The following CTNNA2 variants were observed in gnomAD, a reference collection of about 807,000 sequenced individuals.
CTNNA2 encodes catenin alpha 2.
A neutral mutation model predicts 101.0 loss-of-function variants in CTNNA2; 42 were observed. That is an observed-to-expected ratio of 0.42 (90% CI 0.32 to 0.54). The LOEUF (loss-of-function observed/expected upper bound fraction) is 0.54. Ranked by LOEUF, CTNNA2 falls within the 20% of genes least tolerant of loss-of-function variation. The pLI is 0.14. For synonymous variants in CTNNA2, 450 were observed against 456.4 expected (o/e 0.99, Z 0.18); for missense variants, 871 against 1,223.1 (o/e 0.71, Z 4.29).
In CTNNA2 at chr2:79,651,658, G is replaced by A; in HGVS notation, c.102G>A (p.Gln34=). Reference sequence around the variant, plus strand: ...GGCTGTTGGAGCCACTTGTTACACAGGTAAGGGATGCTTTGAAACCACTTT... The same window carrying A: ...GGCTGTTGGAGCCACTTGTTACACAAGTAAGGGATGCTTTGAAACCACTTT... The part of the protein sequence containing the change: ...VERLLEPLVT[Q]VTTLVNTSNK... The change falls in exon 2 of 19, where the codon CAG becomes CAA. Residue 34 remains glutamine (Q), a splice_region_variant and synonymous_variant. Transcript: ENST00000402739. The A allele has an allele frequency of 9.9e-6, 16 of 1,613,108 alleles. No individual in the cohort carries two copies. Among genetic ancestry groups the A allele is most frequent in the Non-Finnish European group, 1.4e-5 (16 of 1,179,280 alleles).
chr2:79,505,800 T>C (rs545230875), intron 5 of CTNNA2, among the ~76,000 whole-genome samples: 30 of 152,348 alleles, frequency 2.0e-4, no homozygotes, highest in African/African-American at 6.7e-4. Flanking sequence ...CATTACATTA[T>C]ATTGCATTTA....
chr2:79,922,778 G>T (rs1260707636), intron 7 of CTNNA2, among the ~76,000 whole-genome samples: 2 of 151,630 alleles, frequency 1.3e-5, no homozygotes, highest in Non-Finnish European at 2.9e-5. Context: ...AATGGTTAAG[G>T]ACCCGCCCAA....
intron 1 of CTNNA2, among the ~76,000 whole-genome samples, chr2:79,597,329 G>A (rs1225938662): frequency 1.3e-5 from 2 of 151,936 alleles, no homozygotes; most frequent in African/African-American, 4.8e-5. Flanking sequence ...AAAATTAGCC[G>A]GGCGTGGTGG....
chr2:80,399,579 G>A (rs1678369507), intron 8 of CTNNA2, among the ~76,000 whole-genome samples: 1 of 152,166 alleles, frequency 6.6e-6, no homozygotes, highest in Admixed American at 6.5e-5. Flanking sequence ...CAATGAAGTG[G>A]AAGCTTCAAC....
intron 3 of CTNNA2, among the ~76,000 whole-genome samples, chr2:79,339,231 A>G (rs1677075212): frequency 6.6e-6 from 1 of 152,196 alleles, no homozygotes; most frequent in African/African-American, 2.4e-5. Flanking sequence ...CTGGAGATCT[A>G]GGAGGAAACC....
At chr2:80,018,896 A>G (rs1427058289) in intron 7 of CTNNA2, among the ~76,000 whole-genome samples, 1 of 152,148 alleles carries the variant, frequency 6.6e-6, no homozygotes, top group Non-Finnish European at 1.5e-5. Context: ...AGTAGGTACA[A>G]TTGTCCCTCA....
At chr2:80,545,763 T>C (rs1692005474) in intron 10 of CTNNA2, 144 bp from the exon 11 acceptor site, 1 of 648,186 alleles carries the variant, frequency 1.5e-6, no homozygotes, top group South Asian at 2.7e-5. Context: ...TTATCTTTTA[T>C]GTGTTTGATT....
At position 80,106,228 on chromosome 2, in the gene CTNNA2, G is replaced by A. The variant is rs150715083; in HGVS notation, c.1056+196431G>A. 2.4e-3 allele frequency among the ~76,000 whole-genome samples: 372 copies of A among 152,216 alleles called. 3 individuals carry two copies. Among genetic ancestry groups the A allele is most frequent in the African/African-American group, 8.1e-3 (338 of 41,536 alleles). ...GAAATGGCAAGTAGGCTTCTCCCTG[G>A]GTTTGGAGGTTAGTATGGTAATGAG... On this transcript the variant is annotated intron_variant, in intron 7 of 18. Transcript: ENST00000402739.
Position 79,206,466 on chromosome 2 carries a change from T to A in CTNNA2, c.-406+8390T>A, listed in dbSNP as rs574707472. ...TCAATCTTTGTCAATCCCAGTGTGC[T>A]TTTTATGCACCCTTTTGATCTTTTG... On this transcript the variant is annotated intron_variant, in intron 2 of 21. Transcript: ENST00000466387. Among the ~76,000 whole-genome samples the A allele has an allele frequency of 3.9e-5, 6 of 152,308 alleles. No homozygotes were observed. In the South Asian group the frequency reaches 8.3e-4, roughly 21 times the overall value.
intron 4 of CTNNA2, among the ~76,000 whole-genome samples, chr2:79,375,911 G>A (rs182376710): frequency 3.3e-5 from 5 of 152,194 alleles, no homozygotes; most frequent in Admixed American, 2.0e-4. Flanking sequence ...TGCTTAAAAC[G>A]AGTCTGGCCT....
At chr2:79,360,860 G>T (rs1228583235) in intron 3 of CTNNA2, among the ~76,000 whole-genome samples, 1 of 152,122 alleles carries the variant, frequency 6.6e-6, no homozygotes, top group Non-Finnish European at 1.5e-5. Context: ...TCCCAAAGTT[G>T]CTTTGAAAAT....
chr2:80,111,404 C>T (rs773247232), intron 7 of CTNNA2, among the ~76,000 whole-genome samples: 36 of 152,250 alleles, frequency 2.4e-4, no homozygotes, highest in Non-Finnish European at 4.4e-4. Context: ...AGGAAACTCA[C>T]ATTCCAATGC....
chr2:80,632,910 T>C (rs1210114742), intron 18 of CTNNA2, among the ~76,000 whole-genome samples: 1 of 152,154 alleles, frequency 6.6e-6, no homozygotes, highest in Non-Finnish European at 1.5e-5. Context: ...CTTTTACAGT[T>C]GAAAAAATAA....
chr2:79,590,876 A>G (rs2566549), intron 1 of CTNNA2, among the ~76,000 whole-genome samples: 123,577 of 152,142 alleles, frequency 0.81, 50,361 homozygotes, highest in Middle Eastern at 0.85. Context: ...AAAAATAACT[A>G]CTTTAATTTT....
intron 1 of CTNNA2, among the ~76,000 whole-genome samples, chr2:79,522,839 C>T (rs1672193086): frequency 6.6e-6 from 1 of 152,094 alleles, no homozygotes; most frequent in African/African-American, 2.4e-5. Context: ...TCTCAAGAAT[C>T]CAATAACAGA....
At chr2:79,355,843 G>A (rs1677497408) in intron 3 of CTNNA2, among the ~76,000 whole-genome samples, 1 of 152,066 alleles carries the variant, frequency 6.6e-6, no homozygotes, top group Non-Finnish European at 1.5e-5. Context: ...TTTATCTGTT[G>A]ATGGACATTT....
At chr2:80,583,446 G>T (rs773040652) in intron 14 of CTNNA2, among the ~76,000 whole-genome samples, 1 of 152,142 alleles carries the variant, frequency 6.6e-6, no homozygotes, top group Non-Finnish European at 1.5e-5. Flanking sequence ...TTGGCAAAAC[G>T]TCAGATGAAT....
chr2:79,859,614 T>TTTTTTA, intron 4 of CTNNA2, among the ~76,000 whole-genome samples: 1 of 151,638 alleles, frequency 6.6e-6, no homozygotes, highest in African/African-American at 2.4e-5. Flanking sequence ...CTTGGAAGTT[T>TTTTTTA]TTTTTATTTT....
At chr2:80,246,668 T>G (rs1558938203) in intron 7 of CTNNA2, among the ~76,000 whole-genome samples, 1 of 152,168 alleles carries the variant, frequency 6.6e-6, no homozygotes, top group African/African-American at 2.4e-5. Context: ...TTGATGTTGC[T>G]CTCTACAGCT....
Sources: gnomAD v4.1 joint callset for allele counts (sites outside exome capture counted in the v4.1 genomes callset) on GRCh38, gnomAD v4.1.1 for gene constraint, MANE v1.5 for transcripts, NCBI Gene and HGNC (gene_info 2026-07-23, HGNC 2026-07-21) for gene names.